Variants in DNA2 observed in about 807,000 individuals in gnomAD.
DNA2 encodes DNA replication helicase/nuclease 2.
A neutral mutation model predicts 119.1 loss-of-function variants in DNA2; 101 were observed. The observed-to-expected ratio is 0.85, with a 90% confidence interval of 0.72 to 1.00. The LOEUF is 1.00. DNA2 is among the 50% of genes least tolerant of loss of function. The probability of loss-of-function intolerance (pLI) is 0.00; values close to 1 mark genes in which losing one functional copy is unlikely to be tolerated. For synonymous variants in DNA2, 366 were observed against 424.4 expected, an observed-to-expected ratio of 0.86 and a Z score of 1.69; for missense variants, 1,121 against 1,255.5, an observed-to-expected ratio of 0.89 and a Z score of 1.62.
At chr10:68,462,898 G>A (rs140093100) in intron 4 of DNA2, among the ~76,000 whole-genome samples, 187 of 152,174 alleles carry the variant, frequency 1.2e-3, no homozygotes, top group Non-Finnish European at 2.0e-3. Flanking sequence ...GGAGGCCAAG[G>A]AGGGTGGATC....
At chr10:68,425,044 G>T in intron 14 of DNA2, 2 of 413,044 alleles carry the variant, frequency 4.8e-6, no homozygotes, top group South Asian at 2.5e-5. Flanking sequence ...TTTTAGGCTA[G>T]TGTGTGTTTC....
rs1442805337 is a variant in DNA2, at chr10:68,431,832, T to C, written c.1983+30A>G. The C allele has an allele frequency of 3.5e-6, 5 of 1,444,158 alleles. No individual in the cohort carries two copies. The South Asian group carries it at 6.0e-5, about 17-fold the overall frequency. The allele number at this position is 1,444,158 out of a possible 1,614,324, so 89.5% of individuals were successfully genotyped here. A position where few individuals can be genotyped will look rare whatever the true frequency, so the allele number is the denominator to read the frequency against. On this transcript the variant is annotated intron_variant, in intron 13 of 20. Transcript: ENST00000358410. ...TGAGGAGAAGCTGATACAAATATTT[T>C]GTCTCTAAGCAGAAGAATAATAACC...
intron 14 of DNA2, chr10:68,425,019 T>C (rs550265924): frequency 1.6e-5 from 8 of 492,040 alleles, no homozygotes; most frequent in Non-Finnish European, 2.3e-5. Context: ...TGTGCAACCA[T>C]GGTTTAACTG....
At chr10:68,436,115 C>A (rs1395925645) in intron 10 of DNA2, among the ~76,000 whole-genome samples, 1 of 152,094 alleles carries the variant, frequency 6.6e-6, no homozygotes, top group Admixed American at 6.6e-5. Flanking sequence ...TAAAACTATG[C>A]ATGTCAATGT....
intron 9 of DNA2, among the ~76,000 whole-genome samples, chr10:68,439,163 G>A (rs2133390455): frequency 6.6e-6 from 1 of 150,730 alleles, no homozygotes. Flanking sequence ...GGGAGGCTGA[G>A]GTGGGCGGAT....
rs554059657 is a variant in DNA2 at position 68,461,828 on chromosome 10, C to CAA, written c.588-2595_588-2594dup. ...GGGAAACAAGAGTGAAACTCCGTCT[C>CAA]AAAAAAAAAAAAAAAAAAAAAAAAT... On this transcript the variant is annotated intron_variant, in intron 4 of 20. Coordinates refer to ENST00000358410, the MANE Select transcript of DNA2 (RefSeq NM_001080449.3). Among the ~76,000 whole-genome samples, 393 of 69,706 alleles carry CAA rather than the reference C, an allele frequency of 5.6e-3. 1 individual carries two copies. Among genetic ancestry groups the CAA allele is most frequent in the Non-Finnish European group, 9.1e-3 (268 of 29,456 alleles). 45.7% of individuals were successfully genotyped at this position (69,706 alleles called of 152,430 possible). A position where few individuals can be genotyped will look rare whatever the true frequency, so the allele number is the denominator to read the frequency against.
chr10:68,461,835 A>C (rs2052263830), intron 4 of DNA2, among the ~76,000 whole-genome samples: 1 of 102,878 alleles, frequency 9.7e-6, no homozygotes, highest in Non-Finnish European at 1.9e-5. Flanking sequence ...TCTCAAAAAA[A>C]AAAAAAAAAA....
intron 2 of DNA2, among the ~76,000 whole-genome samples, chr10:68,469,265 G>T (rs1315013217): frequency 6.6e-6 from 1 of 151,754 alleles, no homozygotes; most frequent in African/African-American, 2.4e-5. Flanking sequence ...TACTGGGAAG[G>T]CCGGGCGCGG....
intron 14 of DNA2, among the ~76,000 whole-genome samples, chr10:68,428,547 A>G (rs1189263466): frequency 6.6e-6 from 1 of 152,230 alleles, no homozygotes; most frequent in Non-Finnish European, 1.5e-5. Context: ...CTTTATTCAC[A>G]ATATCCAAAA....
At chr10:68,450,774 C>T (rs1013820595) in intron 5 of DNA2, among the ~76,000 whole-genome samples, 1 of 152,088 alleles carries the variant, frequency 6.6e-6, no homozygotes, top group South Asian at 2.1e-4. Context: ...CATGTGGTTG[C>T]GCCCTAAGCA....
chr10:68,445,163 C>A, intron 7 of DNA2, 80 bp from the exon 8 acceptor site: 4 of 1,335,590 alleles, frequency 3.0e-6, no homozygotes, highest in South Asian at 1.4e-5. Flanking sequence ...GTAAAACTTG[C>A]AGATTTAAAA....
chr10:68,471,951 G>A lies in DNA2; in HGVS notation c.-87C>T, dbSNP rs1287819692. 1 of 1,612,954 alleles carries A rather than the reference G, an allele frequency of 6.2e-7. No homozygotes were observed. The highest frequency in any genetic ancestry group is 1.1e-5 in the South Asian group (1 of 91,020). On this transcript the variant is annotated 5_prime_UTR_variant, in exon 1 of 21. Transcript: ENST00000358410. Reference sequence around the variant, plus strand: ...AAGCTTAGAAAAGGGAAAAAGGCGCGAGCCTGCGCACCTCGCGCGCATGCG... The same window carrying A: ...AAGCTTAGAAAAGGGAAAAAGGCGCAAGCCTGCGCACCTCGCGCGCATGCG...
chr10:68,463,285 A>C (rs538083596), intron 4 of DNA2, among the ~76,000 whole-genome samples: 2 of 152,036 alleles, frequency 1.3e-5, no homozygotes, highest in East Asian at 3.9e-4. Flanking sequence ...TCTACTAAAA[A>C]TACAAAAATT....
At chr10:68,461,583 C>T (rs532900389) in intron 4 of DNA2, 2 of 152,162 alleles carry the variant, frequency 1.3e-5, no homozygotes, top group Admixed American at 1.3e-4. Context: ...AATCTCAGCA[C>T]TTTGGGAGGC....
At chr10:68,463,862 G>T (rs1248277644) in intron 4 of DNA2, among the ~76,000 whole-genome samples, 1 of 152,162 alleles carries the variant, frequency 6.6e-6, no homozygotes, top group Non-Finnish European at 1.5e-5. Flanking sequence ...AAGACTGACA[G>T]AGCAGAGTTG....
chr10:68,452,677 T>G (rs2133419113), intron 5 of DNA2, among the ~76,000 whole-genome samples: 1 of 150,000 alleles, frequency 6.7e-6, no homozygotes, highest in Admixed American at 6.8e-5. Flanking sequence ...GCTCAAGAGA[T>G]CCTCCCGCCT....
At chr10:68,421,939 T>A (rs375518131) in intron 17 of DNA2, among the ~76,000 whole-genome samples, 1 of 151,888 alleles carries the variant, frequency 6.6e-6, no homozygotes, top group East Asian at 2.0e-4. Context: ...CTCAGCCTCC[T>A]GAGTAGCTGG....
intron 10 of DNA2, among the ~76,000 whole-genome samples, chr10:68,436,424 G>A (rs1461412892): frequency 6.6e-6 from 1 of 152,198 alleles, no homozygotes; most frequent in East Asian, 1.9e-4. Flanking sequence ...TCAGGGAGGA[G>A]AGAGTGGGAA....
At chr10:68,469,390 C>CAAA (rs71019005) in intron 2 of DNA2, among the ~76,000 whole-genome samples, 3 of 76,040 alleles carry the variant, frequency 3.9e-5, no homozygotes, top group African/African-American at 4.2e-5. Context: ...ACTAAAAATA[C>CAAA]AAAAAAAAAA....
Sources: gnomAD v4.1 joint callset for allele counts (sites outside exome capture counted in the v4.1 genomes callset) on GRCh38, gnomAD v4.1.1 for gene constraint, MANE v1.5 for transcripts, NCBI Gene and HGNC (gene_info 2026-07-23, HGNC 2026-07-21) for gene names.